Variants in LRRN1 observed in about 807,000 individuals in gnomAD.
The protein encoded by LRRN1 is leucine-rich repeat neuronal protein 1.
In LRRN1, 14 loss-of-function variants were observed where a neutral mutation model predicts 45.8. The ratio of observed to expected loss-of-function variants is 0.31; its 90% CI spans 0.20 to 0.48. The LOEUF (loss-of-function observed/expected upper bound fraction) is 0.48, where lower values mean the gene tolerates loss of function less well. LRRN1 is among the 20% of genes least tolerant of loss of function. LRRN1 has a pLI of 0.99. For synonymous variants in LRRN1, 359 were observed against 330.1 expected (o/e 1.09, Z -0.95); for missense variants, 789 against 874.2 (o/e 0.90, Z 1.23).
chr3:3,827,869 T>C (rs1448866589), intron 1 of LRRN1, among the ~76,000 whole-genome samples: 1 of 152,142 alleles, frequency 6.6e-6, no homozygotes, highest in African/African-American at 2.4e-5. Context: ...AATACAATAT[T>C]TGGTCTCTGG....
At chr3:3,800,007 A>T (rs1025965565) in intron 1 of LRRN1, 88 bp downstream of exon 1, 1 of 152,880 alleles carries the variant, frequency 6.5e-6, no homozygotes, top group Admixed American at 6.5e-5. Flanking sequence ...GGGAGACCCT[A>T]CGGGGTCTGG....
rs1693752732 is a variant in LRRN1 at position 3,845,592 on chromosome 3, G to A, written c.951G>A (p.Leu317=). 1.9e-6 allele frequency: 3 copies of A among 1,614,104 alleles called. No homozygotes were observed. The highest frequency in any genetic ancestry group is 2.7e-5 in the African/African-American group (2 of 75,046). ...ATAACTTGCCTGAACTCACAAAGCT[G>A]GAAGCCACCAATAACCCTAAACTCT... ...ALDNLPELTK[L]EATNNPKLSY... is the part of the protein sequence containing the mutation. Residue 317 remains leucine (L), a synonymous_variant, in exon 2 of 2, where the codon CTG becomes CTA. Coordinates refer to ENST00000319331, the MANE Select transcript of LRRN1 (RefSeq NM_020873.7). This position sits in a 1 kb window ranked among gnomAD's most constrained non-coding sequence, Gnocchi z 6.5.
At chr3:3,817,022 G>A (rs934772274) in intron 1 of LRRN1, among the ~76,000 whole-genome samples, 5 of 152,188 alleles carry the variant, frequency 3.3e-5, no homozygotes, top group Non-Finnish European at 7.3e-5. Context: ...ATTAGCCTAC[G>A]TGATTATGGA....
At chr3:3,824,956 C>T (rs766988265) in intron 1 of LRRN1, among the ~76,000 whole-genome samples, 7 of 151,986 alleles carry the variant, frequency 4.6e-5, no homozygotes, top group South Asian at 2.1e-4. Flanking sequence ...TCACAGTTTG[C>T]GCATCTGTAT....
Position 3,845,336 on chromosome 3 carries a change from GA to G in LRRN1, c.698del (p.Asn233MetfsTer33), listed in dbSNP as rs748114402. ...GGAATGTATCTCACTGATATTCCTG[GA>G]AATGCTTTGGTGGGTCTGGATAGCC... is the stretch of plus-strand genomic sequence containing the variant. ...LAGMYLTDIP[G>X]NALVGLDSLE... On this transcript the variant is annotated frameshift_variant, in exon 2 of 2. Coordinates refer to ENST00000319331, the MANE Select transcript of LRRN1 (RefSeq NM_020873.7). LOFTEE classifies it high-confidence loss of function. The surrounding 1 kb of genome is among the most constrained non-coding windows in gnomAD (Gnocchi z 6.5). 6.2e-7 allele frequency: 1 copy of G among 1,614,062 alleles called. No individual in the cohort carries two copies. The highest frequency in any genetic ancestry group is 8.5e-7 in the Non-Finnish European group (1 of 1,180,012).
intron 1 of LRRN1, among the ~76,000 whole-genome samples, chr3:3,818,307 T>A (rs563671353): frequency 2.8e-4 from 42 of 152,274 alleles, no homozygotes; most frequent in African/African-American, 7.7e-4. Flanking sequence ...ATTAAAATAA[T>A]CTGTAAAAGA....
chr3:3,838,908 C>A (rs1168842249), intron 1 of LRRN1, among the ~76,000 whole-genome samples: 7 of 151,936 alleles, frequency 4.6e-5, no homozygotes. Flanking sequence ...TGGATATTAA[C>A]CCTTTATCAT....
chr3:3,805,903 T>C (rs894047300), intron 1 of LRRN1, among the ~76,000 whole-genome samples: 2 of 152,186 alleles, frequency 1.3e-5, no homozygotes, highest in African/African-American at 4.8e-5. Context: ...GTTAGCTTGA[T>C]TTTTCTGCAG....
At chr3:3,809,167 G>A (rs1307007650) in intron 1 of LRRN1, among the ~76,000 whole-genome samples, 1 of 152,036 alleles carries the variant, frequency 6.6e-6, no homozygotes, top group African/African-American at 2.4e-5. Flanking sequence ...CTTTAAGATG[G>A]AGCCTTGTTT....
Position 3,845,498 on chromosome 3 carries a change from T to A in LRRN1, c.857T>A (p.Met286Lys), listed in dbSNP as rs1471863145. The A allele has an allele frequency of 6.2e-7, 1 of 1,614,006 alleles. No homozygotes were observed. The highest frequency in any genetic ancestry group is 1.7e-5 in the Admixed American group (1 of 60,002). Residue 286 changes from methionine to lysine, a missense_variant, in exon 2 of 2, where the codon ATG (methionine) becomes AAG (lysine). Met to Lys is a moderately conservative substitution (Grantham distance 95). Transcript: ENST00000319331. The surrounding 1 kb of genome is among the most constrained non-coding windows in gnomAD (Gnocchi z 6.5). ...ATCCAAGAAGGGGACTTCAAAAATA[T>A]GCTTCGGTTAAAAGAACTGGGAATC... ...HKIQEGDFKN[M>K]LRLKELGINN...
chr3:3,837,037 A>C (rs1693535040), intron 1 of LRRN1, among the ~76,000 whole-genome samples: 1 of 152,120 alleles, frequency 6.6e-6, no homozygotes, highest in Non-Finnish European at 1.5e-5. Flanking sequence ...GAAGCTGAGA[A>C]CATCCGCCTT....
chr3:3,835,472 G>A (rs1232877425), intron 1 of LRRN1, among the ~76,000 whole-genome samples: 1 of 151,950 alleles, frequency 6.6e-6, no homozygotes, highest in African/African-American at 2.4e-5. Context: ...AGTTGGGGAA[G>A]GTCTACAGCT....
intron 1 of LRRN1, among the ~76,000 whole-genome samples, chr3:3,842,098 A>T (rs1693664527): frequency 1.3e-5 from 2 of 152,142 alleles, no homozygotes; most frequent in South Asian, 4.1e-4. Context: ...GTCAATGGGC[A>T]ATTGTAACAC....
In LRRN1 at chr3:3,846,106, A is replaced by T; in HGVS notation, c.1465A>T (p.Ile489Leu). 6.2e-7 allele frequency: 1 copy of T among 1,614,102 alleles called. No homozygotes were observed. Among genetic ancestry groups the T allele is most frequent in the South Asian group, 1.1e-5 (1 of 91,086 alleles). Reference protein sequence around the residue: ...SSEGTLEISNIQIEDSGRYTC... With the variant: ...SSEGTLEISNLQIEDSGRYTC... ...CGAAGGTACCTTGGAAATATCTAACATACAAATTGAAGACTCAGGAAGATA... is the reference window on the plus strand; with the variant it reads ...CGAAGGTACCTTGGAAATATCTAACTTACAAATTGAAGACTCAGGAAGATA... Residue 489 changes from isoleucine (I) to leucine (L), a missense_variant, in exon 2 of 2, where the codon ATA becomes TTA. By Grantham distance (5) the Ile-to-Leu change is conservative. Coordinates refer to ENST00000319331, the MANE Select transcript of LRRN1 (RefSeq NM_020873.7). The surrounding 1 kb of genome is among the most constrained non-coding windows in gnomAD (Gnocchi z 5.7).
chr3:3,846,771 C>G lies in LRRN1; in HGVS notation c.2130C>G (p.Ser710=). ...ADTKPTQVDT[S]RSYYMW ...CCAAGCCAACCCAGGTCGACACATC[C>G]AGAAGCTATTACATGTGGTAACTCA... Residue 710 remains serine, a synonymous_variant, in exon 2 of 2, where the codon TCC becomes TCG. Coordinates refer to ENST00000319331, the MANE Select transcript of LRRN1 (RefSeq NM_020873.7). This position sits in a 1 kb window ranked among gnomAD's most constrained non-coding sequence, Gnocchi z 5.7. The G allele has an allele frequency of 6.2e-7, 1 of 1,609,010 alleles. No homozygotes were observed. Among genetic ancestry groups the G allele is most frequent in the Non-Finnish European group, 8.5e-7 (1 of 1,178,612 alleles).
intron 1 of LRRN1, among the ~76,000 whole-genome samples, chr3:3,810,004 T>C (rs899536755): frequency 6.6e-6 from 1 of 152,244 alleles, no homozygotes; most frequent in African/African-American, 2.4e-5. Context: ...GTAGTTGACA[T>C]GGTTGTCACC....
chr3:3,823,270 G>A (rs1032159366), intron 1 of LRRN1, among the ~76,000 whole-genome samples: 6 of 152,052 alleles, frequency 3.9e-5, no homozygotes, highest in Non-Finnish European at 8.8e-5. Context: ...AAACCAAGAC[G>A]ATTTCATTTG....
intron 1 of LRRN1, among the ~76,000 whole-genome samples, chr3:3,813,707 A>G (rs1433678529): frequency 2.0e-5 from 3 of 152,154 alleles, no homozygotes; most frequent in East Asian, 1.9e-4. Context: ...AAATCCCAAC[A>G]TCACCGAAGG....
At chr3:3,811,928 C>T (rs1212150520) in intron 1 of LRRN1, among the ~76,000 whole-genome samples, 4 of 152,188 alleles carry the variant, frequency 2.6e-5, no homozygotes, top group African/African-American at 4.8e-5. Context: ...TGAATCTCAA[C>T]TTTGTCACGT....
Sources: gnomAD v4.1 joint callset for allele counts (sites outside exome capture counted in the v4.1 genomes callset) on GRCh38, gnomAD v4.1.1 for gene constraint, Gnocchi (gnomAD v3.1) non-coding constraint, MANE v1.5 for transcripts, NCBI Gene and HGNC (gene_info 2026-07-23, HGNC 2026-07-21) for gene names.